Variants in SLC26A1 observed in about 807,000 individuals in gnomAD.
SLC26A1 encodes solute carrier family 26 member 1, also known as sulfate anion transporter 1.
SLC26A1 carries 18 observed loss-of-function variants against 14.5 expected under a neutral mutation model. That is an observed-to-expected ratio of 1.24 (90% CI 0.86 to 1.84). SLC26A1 has a LOEUF of 1.84. SLC26A1 is among the 40% of genes most tolerant of loss of function. SLC26A1 has a pLI of 0.00. For synonymous variants in SLC26A1, 505 were observed against 492.0 expected (o/e 1.03, Z -0.35); for missense variants, 1,049 against 1,020.0 (o/e 1.03, Z -0.39).
downstream of SLC26A1, among the ~76,000 whole-genome samples, chr4:983,758 C>T (rs1283929546): frequency 1.3e-5 from 2 of 152,234 alleles, no homozygotes; most frequent in Non-Finnish European, 2.9e-5. Context: ...GCACTCTTCA[C>T]TTCTTCCTCT....
downstream of SLC26A1, among the ~76,000 whole-genome samples, chr4:983,050 G>A (rs1374754164): frequency 6.6e-6 from 1 of 152,260 alleles, no homozygotes; most frequent in Non-Finnish European, 1.5e-5. Flanking sequence ...GTCTTCAGGA[G>A]GCTCTCCTCC....
At chr4:980,511 G>A (rs11728939) in intron 2 of SLC26A1, among the ~76,000 whole-genome samples, 22 of 151,636 alleles carry the variant, frequency 1.5e-4, no homozygotes, top group Middle Eastern at 3.4e-3. Context: ...GCTTGAACCC[G>A]GGAGGTGGAG....
intron 1 of SLC26A1, chr4:992,090 A>G (rs1316911011): frequency 1.9e-6 from 1 of 515,900 alleles, no homozygotes; most frequent in Non-Finnish European, 3.8e-6. Context: ...AGCCTCCTGA[A>G]GCTCACCTCC....
rs756823579 is a variant in SLC26A1, at chr4:990,212, C to G, written c.727G>C (p.Gly243Arg). 1 of 1,564,154 alleles carries G rather than the reference C, an allele frequency of 6.4e-7. No individual in the cohort carries two copies. Among genetic ancestry groups the G allele is most frequent in the Admixed American group, 1.9e-5 (1 of 51,848 alleles). Residue 243 changes from glycine (G) to arginine (R), a missense_variant, in exon 3 of 3, where the codon GGC becomes CGC. By Grantham distance (125) the Gly-to-Arg change is moderately radical. Transcript: ENST00000398516. ...GVRIPRHQGP[G>R]MVVLTWLSLL... ...CTCAGCCATGTGAGGACCACCATGC[C>G]GGGCCCCTGGTGCCGCGGGATCCGC...
intron 1 of SLC26A1, chr4:992,113 G>A (rs1325494932): frequency 4.0e-6 from 2 of 496,692 alleles, no homozygotes; most frequent in East Asian, 1.1e-4. Context: ...AACGGGGCAG[G>A]AACAGGCTGG....
Position 989,396 on chromosome 4 carries a change from G to A in SLC26A1, c.1543C>T (p.Arg515Cys), listed in dbSNP as rs375537240. 1.0e-4 allele frequency: 161 copies of A among 1,564,368 alleles called. No individual in the cohort carries two copies. Among genetic ancestry groups the A allele is most frequent in the Middle Eastern group, 3.3e-4 (2 of 6,022 alleles). ...TQRPRTALLA[R>C]IGDTAFYEDA... ...TCGTAGAAGGCCGTGTCCCCGATGC[G>A]GGCCAGCAGGGCGGTGCGTGGGCGT... Residue 515 changes from arginine (R) to cysteine (C), a missense_variant, in exon 3 of 3, where the codon CGC (arginine) becomes TGC (cysteine). Arg to Cys is a radical substitution (Grantham distance 180, BLOSUM62 -3). Transcript: ENST00000398516.
exon 3 of SLC26A1, chr4:979,421 C>T (rs777126025): frequency 1.3e-6 from 2 of 1,570,764 alleles, no homozygotes; most frequent in African/African-American, 1.3e-5. Context: ...AAGATCTTTC[C>T]TCCTCTTCCA....
chr4:986,983 G>C (rs1713764059), downstream of SLC26A1: 5 of 506,992 alleles, frequency 9.9e-6, no homozygotes, highest in African/African-American at 4.3e-5. Flanking sequence ...CCAAGGCCCC[G>C]CCCCGCGGCG....
chr4:987,249 G>T (rs1488477352), downstream of SLC26A1: 1 of 1,513,384 alleles, frequency 6.6e-7, no homozygotes, highest in East Asian at 2.6e-5. Flanking sequence ...TCTGGTGAGC[G>T]CTCCGCGGCC....
rs778406580 is a variant in SLC26A1, at chr4:990,203, C to G, written c.736G>C (p.Val246Leu). 114 of 1,562,170 alleles carry G rather than the reference C, an allele frequency of 7.3e-5. No homozygotes were observed. The highest frequency in any genetic ancestry group is 9.4e-5 in the Non-Finnish European group (108 of 1,153,976). ...IPRHQGPGMV[V>L]LTWLSLLRGA... Reference sequence around the variant, plus strand: ...CGCAGCAGGCTCAGCCATGTGAGGACCACCATGCCGGGCCCCTGGTGCCGC... The same window carrying G: ...CGCAGCAGGCTCAGCCATGTGAGGAGCACCATGCCGGGCCCCTGGTGCCGC... Residue 246 changes from valine (V) to leucine (L), a missense_variant, in exon 3 of 3, where the codon GTC becomes CTC. Transcript: ENST00000398516.
rs748494830 is a variant in SLC26A1 at position 990,171 on chromosome 4, G to A, written c.768C>T (p.Ala256=). The change falls in exon 3 of 3, where the codon GCC becomes GCT. Residue 256 remains alanine, a synonymous_variant. Transcript: ENST00000398516. ...CCACGTCGCACACGTTGGCCTGCCC[G>A]GCGCCGCGCAGCAGGCTCAGCCATG... The part of the protein sequence containing the change: ...VLTWLSLLRG[A]GQANVCDVVT... 27 of 1,560,616 alleles carry A rather than the reference G, an allele frequency of 1.7e-5. No homozygotes were observed. Among genetic ancestry groups the A allele is most frequent in the South Asian group, 7.1e-5 (6 of 84,960 alleles).
chr4:988,574 G>T lies in SLC26A1; in HGVS notation c.*259C>A. ...GCCCATCCCTCCTGAGCTGAGGGACGGTGCATTGGGGCCCAGCCAGCACTG... is the reference window on the plus strand; with the variant it reads ...GCCCATCCCTCCTGAGCTGAGGGACTGTGCATTGGGGCCCAGCCAGCACTG... On this transcript the variant is annotated 3_prime_UTR_variant, in exon 3 of 3. Coordinates refer to ENST00000398516, the MANE Select transcript of SLC26A1 (RefSeq NM_022042.4). 7.5e-7 allele frequency: 1 copy of T among 1,326,996 alleles called. No homozygotes were observed. The highest frequency in any genetic ancestry group is 9.6e-7 in the Non-Finnish European group (1 of 1,041,254). The allele number at this position is 1,326,996 out of a possible 1,614,324, so 82.2% of individuals were successfully genotyped here.
At chr4:979,292 C>T in exon 3 of SLC26A1, 1 of 688,798 alleles carries the variant, frequency 1.5e-6, no homozygotes, top group South Asian at 1.8e-5. Flanking sequence ...CCTTTTTTCC[C>T]CAGGTGCTGA....
At chr4:979,381 GTTGA>G in exon 3 of SLC26A1, 1 of 1,305,428 alleles carries the variant, frequency 7.7e-7, no homozygotes, top group Non-Finnish European at 1.1e-6. Flanking sequence ...TCTCGATGTC[GTTGA>G]TGTCGGCATT....
chr4:988,827 G>C lies in SLC26A1; in HGVS notation c.*6C>G. 1 of 1,578,184 alleles carries C rather than the reference G, an allele frequency of 6.3e-7. No individual in the cohort carries two copies. The highest frequency in any genetic ancestry group is 8.6e-7 in the Non-Finnish European group (1 of 1,162,534). On this transcript the variant is annotated 3_prime_UTR_variant, in exon 3 of 3. Coordinates refer to ENST00000398516, the MANE Select transcript of SLC26A1 (RefSeq NM_022042.4). ...GAGCAGAGGCTGCTGGGCAGGCCTG[G>C]CCCTGCTACAGATGGGCATCGGTGG...
In SLC26A1 at chr4:991,532, G is replaced by A. The variant is rs374437968; in HGVS notation, c.172C>T (p.Arg58Cys). 580 of 1,606,290 alleles carry A rather than the reference G, an allele frequency of 3.6e-4. 7 individuals are homozygous for A. In the South Asian group the frequency reaches 5.8e-3, roughly 16 times the overall value. The stretch of plus-strand genomic sequence containing the variant: ...CGCGGGCGGTACTGACGCAGCCAGC[G>A]CGTGGCGGGGAGCAGGTCCTGCACC... The part of the protein sequence containing the change: ...ALVQDLLPAT[R>C]WLRQYRPREY... Residue 58 changes from arginine to cysteine, a missense_variant, in exon 2 of 3, where the codon CGC becomes TGC. Transcript: ENST00000398516.
rs543233139 is a variant in SLC26A1, at chr4:988,401, C to T, written c.*432G>A. The T allele has an allele frequency of 4.8e-5, 51 of 1,055,998 alleles. No homozygotes were observed. The South Asian group carries it at 1.1e-3, about 22-fold the overall frequency. The allele number at this position is 1,055,998 out of a possible 1,614,324, so 65.4% of individuals were successfully genotyped here. A position where few individuals can be genotyped will look rare whatever the true frequency, so the allele number is the denominator to read the frequency against. On this transcript the variant is annotated 3_prime_UTR_variant, in exon 3 of 3. Transcript: ENST00000398516. ...GGCCTTCTGGAAACACAGAGACCCT[C>T]GTGCACTTGGCCAGAGCCGCTGGCT...
At position 989,988 on chromosome 4, in the gene SLC26A1, C is replaced by A. The variant is rs753977507; in HGVS notation, c.951G>T (p.Ser317=). The part of the protein sequence containing the change: ...HFGQLHKRFG[S]SVAGDIPTGF... Reference sequence around the variant, plus strand: ...CCGTGGGGATGTCGCCAGCCACGCTCGAGCCAAAGCGCTTGTGGAGCTGCC... The same window carrying A: ...CCGTGGGGATGTCGCCAGCCACGCTAGAGCCAAAGCGCTTGTGGAGCTGCC... Residue 317 remains serine (S), a synonymous_variant, in exon 3 of 3, where the codon TCG becomes TCT. Coordinates refer to ENST00000398516, the MANE Select transcript of SLC26A1 (RefSeq NM_022042.4). The A allele has an allele frequency of 1.3e-6, 2 of 1,561,456 alleles. No individual in the cohort carries two copies. The highest frequency in any genetic ancestry group is 1.7e-6 in the Non-Finnish European group (2 of 1,154,914).
downstream of SLC26A1, among the ~76,000 whole-genome samples, chr4:983,883 G>A (rs373077409): frequency 4.0e-3 from 603 of 152,338 alleles, 38 homozygotes; most frequent in South Asian, 0.1. Context: ...GGAGTGCAGT[G>A]ACGTGATCTT....
Sources: gnomAD v4.1 joint callset for allele counts (sites outside exome capture counted in the v4.1 genomes callset) on GRCh38, gnomAD v4.1.1 for gene constraint, MANE v1.5 for transcripts, NCBI Gene and HGNC (gene_info 2026-07-23, HGNC 2026-07-21) for gene names.